The following FHIT variants were observed in gnomAD, a reference collection of about 807,000 sequenced individuals.
FHIT encodes fragile histidine triad diadenosine triphosphatase.
Under a neutral mutation model 17.9 loss-of-function variants are expected in FHIT, and 19 were observed. The ratio of observed to expected loss-of-function variants is 1.06; its 90% CI spans 0.74 to 1.56. The LOEUF is 1.56. Ranked by LOEUF, FHIT falls within the 40% of genes most tolerant of loss-of-function variation. FHIT has a pLI of 0.00. For missense variants in FHIT, 248 were observed against 189.2 expected (o/e 1.31, Z -1.82); for synonymous variants, 81 against 69.7 (o/e 1.16, Z -0.81).
At chr3:61,128,907 A>G (rs1375901380) in intron 2 of FHIT, among the ~76,000 whole-genome samples, 1 of 152,162 alleles carries the variant, frequency 6.6e-6, no homozygotes. Flanking sequence ...CCTGGACCCT[A>G]TACATGCTTC....
At chr3:59,849,360 G>T (rs577986752) in intron 8 of FHIT, among the ~76,000 whole-genome samples, 1 of 152,006 alleles carries the variant, frequency 6.6e-6, no homozygotes, top group African/African-American at 2.4e-5. Flanking sequence ...GTGACAGAAT[G>T]AGACTCTGTC....
intron 5 of FHIT, among the ~76,000 whole-genome samples, chr3:60,169,488 A>G (rs1701323295): frequency 6.6e-6 from 1 of 152,230 alleles, no homozygotes; most frequent in Non-Finnish European, 1.5e-5. Flanking sequence ...TCTTTTGGTG[A>G]TAATTGTTGT....
At chr3:60,826,064 T>C (rs1702101823) in intron 3 of FHIT, among the ~76,000 whole-genome samples, 1 of 152,180 alleles carries the variant, frequency 6.6e-6, no homozygotes, top group East Asian at 1.9e-4. Flanking sequence ...AGAGTACAGA[T>C]GATCATTACA....
At chr3:60,572,534 A>C (rs2037420173) in intron 4 of FHIT, among the ~76,000 whole-genome samples, 1 of 151,128 alleles carries the variant, frequency 6.6e-6, no homozygotes, top group Admixed American at 6.6e-5. Flanking sequence ...ATGCACATAC[A>C]TGCATACACA....
At chr3:60,056,985 A>G (rs902901406) in intron 5 of FHIT, among the ~76,000 whole-genome samples, 6 of 152,030 alleles carry the variant, frequency 3.9e-5, no homozygotes, top group Admixed American at 2.0e-4. Flanking sequence ...AAAGTTCTCA[A>G]ATCCAAGCTC....
chr3:60,690,395 C>T (rs917923121), intron 4 of FHIT: 6 of 578,572 alleles, frequency 1.0e-5, no homozygotes, highest in Admixed American at 3.8e-5. Context: ...AACTGGGAAC[C>T]ATTTGCGTTG....
At position 60,390,425 on chromosome 3, in the gene FHIT, AAAAC is replaced by A. The variant is rs1240655772; in HGVS notation, c.103+146431_103+146434del. On this transcript the variant is annotated intron_variant, in intron 5 of 9. Transcript: ENST00000492590. ...AAAAAAAAAAAAAAAAAAAAAAAAAAAAACCCGTACCCTCTAGTATTTATTACAA... is the reference window on the plus strand; with the variant it reads ...AAAAAAAAAAAAAAAAAAAAAAAAAACCGTACCCTCTAGTATTTATTACAA... 9.9e-3 allele frequency among the ~76,000 whole-genome samples: 44 copies of A among 4,444 alleles called. 6 individuals are homozygous for A. The highest frequency in any genetic ancestry group is 0.33 in the Middle Eastern group (2 of 6). 2.9% of individuals were successfully genotyped at this position (4,444 alleles called of 152,430 possible).
chr3:60,439,218 G>C (rs1214973362), intron 5 of FHIT, among the ~76,000 whole-genome samples: 3 of 152,080 alleles, frequency 2.0e-5, no homozygotes, highest in African/African-American at 7.2e-5. Context: ...GTAGAGGTGA[G>C]ACTCCAACCA....
chr3:60,253,846 T>A (rs1705848000), intron 5 of FHIT, among the ~76,000 whole-genome samples: 2 of 152,152 alleles, frequency 1.3e-5, no homozygotes, highest in South Asian at 4.1e-4. Context: ...CACAGGAAAT[T>A]TCTGAATATT....
At chr3:60,801,822 T>C (rs1206827207) in intron 4 of FHIT, among the ~76,000 whole-genome samples, 1 of 152,210 alleles carries the variant, frequency 6.6e-6, no homozygotes, top group Non-Finnish European at 1.5e-5. Context: ...ATATACATAC[T>C]GGTGATGATC....
chr3:60,875,065 T>C (rs1553756079), intron 3 of FHIT, among the ~76,000 whole-genome samples: 2 of 152,154 alleles, frequency 1.3e-5, no homozygotes, highest in African/African-American at 4.8e-5. Flanking sequence ...AATGTTCTTT[T>C]CTTACCTGGG....
chr3:60,116,807 T>C (rs1019186090), intron 5 of FHIT, among the ~76,000 whole-genome samples: 11 of 152,128 alleles, frequency 7.2e-5, no homozygotes, highest in Non-Finnish European at 1.5e-4. Context: ...ATGAAAATTT[T>C]TTCCTGCCAT....
At position 59,770,718 on chromosome 3, in the gene FHIT, C is replaced by T. The variant is rs547369118; in HGVS notation, c.349-18397G>A. On this transcript the variant is annotated intron_variant, in intron 8 of 9. Coordinates refer to ENST00000492590, the MANE Select transcript of FHIT (RefSeq NM_002012.4). ...CAGCCCTAGCCCTCTAATACATATACTCTGGTTACCACTACTCCCCGTTTC... is the reference window on the plus strand; with the variant it reads ...CAGCCCTAGCCCTCTAATACATATATTCTGGTTACCACTACTCCCCGTTTC... Among the ~76,000 whole-genome samples, 6 of 152,282 alleles carry T rather than the reference C, an allele frequency of 3.9e-5. 2 individuals carry two copies. In the South Asian group the frequency reaches 1.2e-3, roughly 32 times the overall value.
Position 60,913,304 on chromosome 3 carries a change from C to G in FHIT, c.-110-91293G>C, listed in dbSNP as rs1419398953. On this transcript the variant is annotated intron_variant, in intron 3 of 9. Coordinates refer to ENST00000492590, the MANE Select transcript of FHIT (RefSeq NM_002012.4). ...ATTTCAACAAAAAGGCAAGTATAAT[C>G]TGCCTGATAATAATAAGCAACTTGT... Among the ~76,000 whole-genome samples the G allele has an allele frequency of 2.6e-5, 4 of 152,190 alleles. No homozygotes were observed. The East Asian group carries it at 7.7e-4, about 29-fold the overall frequency.
At chr3:60,060,726 C>G (rs1467828144) in intron 5 of FHIT, among the ~76,000 whole-genome samples, 3 of 152,150 alleles carry the variant, frequency 2.0e-5, no homozygotes, top group African/African-American at 7.2e-5. Flanking sequence ...TGACTTTTCT[C>G]CCCCAGTGTG....
intron 8 of FHIT, among the ~76,000 whole-genome samples, chr3:59,891,948 T>C (rs1703872920): frequency 6.6e-6 from 1 of 152,170 alleles, no homozygotes; most frequent in Non-Finnish European, 1.5e-5. Flanking sequence ...AAAGCAGACA[T>C]GATGAAACTG....
rs373501097 is a variant in FHIT at position 60,011,385 on chromosome 3, C to G, written c.265G>C (p.Gly89Arg). The G allele has an allele frequency of 9.3e-6, 15 of 1,613,436 alleles. No homozygotes were observed. The South Asian group carries it at 1.5e-4, about 17-fold the overall frequency. The change falls in exon 7 of 10, where the codon GGA becomes CGA. Residue 89 changes from glycine (G) to arginine (R), a missense_variant. Physicochemically the swap from Gly to Arg is moderately radical, Grantham distance 125. Coordinates refer to ENST00000492590, the MANE Select transcript of FHIT (RefSeq NM_002012.4). ...TAAGCACTCACCTTCACAGTCTGTCCGGCTTCGGGGCCATCCTAGAAGTAG... is the reference window on the plus strand; with the variant it reads ...TAAGCACTCACCTTCACAGTCTGTCGGGCTTCGGGGCCATCCTAGAAGTAG... ...TFSMQDGPEAGQTVKHVHVHV... is the reference protein window; with the variant it reads ...TFSMQDGPEARQTVKHVHVHV...
chr3:59,750,155 C>G (rs1700815883), intron 9 of FHIT: 1 of 226,336 alleles, frequency 4.4e-6, no homozygotes, highest in East Asian at 6.4e-5. Context: ...AAGACAGAAG[C>G]AAAAACTGAC....
At chr3:60,301,009 G>A (rs192336445) in intron 5 of FHIT, among the ~76,000 whole-genome samples, 210 of 151,962 alleles carry the variant, frequency 1.4e-3, no homozygotes, top group Non-Finnish European at 2.3e-3. Context: ...AGCACCCAAA[G>A]CATCTCTCCC....
Sources: allele counts gnomAD v4.1 joint callset (sites outside exome capture counted in the v4.1 genomes callset), GRCh38; gene constraint gnomAD v4.1.1; transcripts MANE v1.5; gene names NCBI Gene and HGNC (gene_info 2026-07-23, HGNC 2026-07-21).